The following CNKSR2 variants were observed in gnomAD, a reference collection of about 807,000 sequenced individuals.
The protein encoded by CNKSR2 is connector enhancer of kinase suppressor of Ras 2, also known as CNK homolog protein 2.
In CNKSR2, 14 loss-of-function variants were observed where a neutral mutation model predicts 84.4. The ratio of observed to expected loss-of-function variants is 0.17; its 90% CI spans 0.11 to 0.26. The LOEUF (loss-of-function observed/expected upper bound fraction) is 0.26. Among genes scored for constraint, CNKSR2 ranks in the 10% least tolerant of loss-of-function variants. The pLI is 1.00. For synonymous variants in CNKSR2, 275 were observed against 277.9 expected (o/e 0.99, Z 0.10); for missense variants, 485 against 771.2 (o/e 0.63, Z 4.40).
chrX:21,463,390 T>A (rs1175874310), intron 4 of CNKSR2, among the ~76,000 whole-genome samples: 2 of 110,916 alleles, frequency 1.8e-5, no homozygotes, highest in African/African-American at 6.6e-5. Context: ...TTTTTTGGCA[T>A]AGATTGAGTA....
intron 3 of CNKSR2, among the ~76,000 whole-genome samples, chrX:21,436,494 C>T (rs1225741011): frequency 9.0e-6 from 1 of 111,223 alleles, no homozygotes; most frequent in Non-Finnish European, 1.9e-5. Flanking sequence ...GGAGTACAGT[C>T]GCTTAATTTT....
chrX:21,561,381 T>A, intron 11 of CNKSR2, 90 bp from the exon 12 acceptor site: 1 of 677,634 alleles, frequency 1.5e-6, no homozygotes, highest in East Asian at 3.3e-5. Flanking sequence ...AGTGAGTGTG[T>A]TTGGTAGACT....
chrX:21,651,595 G>A (rs2092721045), intron 21 of CNKSR2, among the ~76,000 whole-genome samples: 1 of 111,769 alleles, frequency 8.9e-6, no homozygotes, highest in African/African-American at 3.3e-5. Flanking sequence ...ACTTGGGTCA[G>A]GACTGAGCTG....
chrX:21,523,086 C>T (rs1220771428), intron 9 of CNKSR2, among the ~76,000 whole-genome samples: 1 of 110,923 alleles, frequency 9.0e-6, no homozygotes, highest in Non-Finnish European at 1.9e-5. Context: ...AGAAATCTAT[C>T]ATAGACTTGT....
intron 4 of CNKSR2, among the ~76,000 whole-genome samples, chrX:21,453,505 T>A (rs774286865): frequency 2.7e-5 from 3 of 111,407 alleles, no homozygotes; most frequent in Non-Finnish European, 5.7e-5. Flanking sequence ...TTAACAGACT[T>A]TCAAGGCAAC....
intron 3 of CNKSR2, among the ~76,000 whole-genome samples, chrX:21,439,377 T>C (rs1330073681): frequency 1.8e-5 from 2 of 110,923 alleles, no homozygotes; most frequent in Non-Finnish European, 3.8e-5. Flanking sequence ...AGGAAGTGTA[T>C]AGCACTGAAT....
intron 18 of CNKSR2, among the ~76,000 whole-genome samples, chrX:21,604,562 CA>C (rs1222044465): frequency 9.0e-6 from 1 of 111,407 alleles, no homozygotes; most frequent in African/African-American, 3.3e-5. Context: ...AGGAGCCTTC[CA>C]AAATCTGTCA....
intron 6 of CNKSR2, chrX:21,493,440 T>C (rs1013866609): frequency 3.6e-5 from 4 of 111,699 alleles, no homozygotes; most frequent in African/African-American, 1.3e-4. Flanking sequence ...AGAGGTTGCT[T>C]TGGCTCCTGT....
At chrX:21,474,974 TA>T (rs1398204718) in intron 5 of CNKSR2, among the ~76,000 whole-genome samples, 1 of 112,221 alleles carries the variant, frequency 8.9e-6, no homozygotes, top group African/African-American at 3.2e-5. Flanking sequence ...TGTGTTTGTA[TA>T]ATGGTTAAAT....
intron 20 of CNKSR2, among the ~76,000 whole-genome samples, chrX:21,616,702 A>G (rs1475148068): frequency 8.9e-6 from 1 of 112,054 alleles, no homozygotes; most frequent in Non-Finnish European, 1.9e-5. Flanking sequence ...TGAAATAACT[A>G]GTTCATTGTC....
At chrX:21,481,527 G>T (rs891928061) in intron 5 of CNKSR2, among the ~76,000 whole-genome samples, 3 of 111,644 alleles carry the variant, frequency 2.7e-5, no homozygotes, top group African/African-American at 9.8e-5. Context: ...CAGTGTGGTT[G>T]AGACCAGGGA....
intron 11 of CNKSR2, among the ~76,000 whole-genome samples, chrX:21,558,088 A>T (rs1219587950): frequency 9.0e-6 from 1 of 111,657 alleles, no homozygotes. Context: ...TCATAGATTT[A>T]TCTTTCCATT....
At chrX:21,535,319 C>T (rs1347669979) in intron 11 of CNKSR2, among the ~76,000 whole-genome samples, 2 of 111,593 alleles carry the variant, frequency 1.8e-5, no homozygotes, top group Admixed American at 9.5e-5. Flanking sequence ...GTGATGCCTT[C>T]AGCTTTGTTC....
chrX:21,377,018 G>A (rs972270971), intron 1 of CNKSR2, among the ~76,000 whole-genome samples: 3 of 112,423 alleles, frequency 2.7e-5, no homozygotes, highest in Non-Finnish European at 5.6e-5. Flanking sequence ...GGTTAACATT[G>A]TTAGCTGTGA....
rs1217801781 is a variant in CNKSR2, at chrX:21,652,392, G to A, written c.2976G>A (p.Met992Ile). 1.7e-6 allele frequency: 2 copies of A among 1,209,155 alleles called. No individual in the cohort carries two copies. Among genetic ancestry groups the A allele is most frequent in the East Asian group, 3.0e-5 (1 of 33,822 alleles). ...AAGAATTCCAACAATGGAAGCAGAT[G>A]TACCTCGACCTTTTCTTGGATATCT... ...TSKEFQQWKQ[M>I]YLDLFLDICQ... Residue 992 changes from methionine (M) to isoleucine (I), a missense_variant, in exon 22 of 22, where the codon ATG (methionine) becomes ATA (isoleucine). Around this residue, in one of 5 missense-constraint regions of CNKSR2, gnomAD observed 210 missense variants for 291.5 expected, o/e 0.72. Transcript: ENST00000379510.
rs762223596 is a variant in CNKSR2 at position 21,654,502 on chromosome X, TAA to T, written c.*1983_*1984del. The T allele has an allele frequency of 3.5e-4, 39 of 109,880 alleles. No homozygotes were observed. The highest frequency in any genetic ancestry group is 1.3e-3 in the African/African-American group (38 of 30,290). The allele number at this position is 109,880 out of a possible 1,213,427, so 9.1% of individuals were successfully genotyped here. ...TGCTACTAAGCAGCTTTTACTTTTG[TAA>T]AGTCAGCTCTGTTGTTTTAAATGGT... is the stretch of plus-strand genomic sequence containing the variant. On this transcript the variant is annotated 3_prime_UTR_variant, in exon 22 of 22. Transcript: ENST00000379510.
At chrX:21,410,304 G>C (rs1000176893) in intron 1 of CNKSR2, among the ~76,000 whole-genome samples, 2 of 110,844 alleles carry the variant, frequency 1.8e-5, no homozygotes, top group Admixed American at 9.7e-5. Flanking sequence ...ACATTGTTTT[G>C]AGTAGTAATT....
chrX:21,454,887 G>T (rs1171291899), intron 4 of CNKSR2, among the ~76,000 whole-genome samples: 1 of 111,973 alleles, frequency 8.9e-6, no homozygotes, highest in Non-Finnish European at 1.9e-5. Flanking sequence ...GTAGCAGGCT[G>T]GGACAGGTTA....
At chrX:21,469,547 GT>G (rs200468535) in intron 4 of CNKSR2, among the ~76,000 whole-genome samples, 19 of 99,548 alleles carry the variant, frequency 1.9e-4, no homozygotes, top group Non-Finnish European at 2.9e-4. Context: ...AAATGGGTTT[GT>G]TTTTTTTTTC....
Sources: gnomAD v4.1 joint callset for allele counts (sites outside exome capture counted in the v4.1 genomes callset) on GRCh38, gnomAD v4.1.1 for gene constraint, gnomAD v4.1.1 regional missense constraint, MANE v1.5 for transcripts, NCBI Gene and HGNC (gene_info 2026-07-23, HGNC 2026-07-21) for gene names.